TMEM182: variants seen among roughly 807,000 people sequenced by gnomAD.
The protein encoded by TMEM182 is transmembrane protein 182.
Under a neutral mutation model 26.8 loss-of-function variants are expected in TMEM182, and 20 were observed. That is an observed-to-expected ratio of 0.75 (90% confidence interval 0.53 to 1.09). TMEM182 has a LOEUF of 1.09. Among genes scored for constraint, TMEM182 ranks in the 50% least tolerant of loss-of-function variants. The pLI is 0.00. For synonymous variants in TMEM182, 109 were observed against 102.2 expected (o/e 1.07, Z -0.40); for missense variants, 277 against 275.5 (o/e 1.01, Z -0.04).
At chr2:102,746,809 G>A (rs1053710595) in intron 1 of TMEM182, among the ~76,000 whole-genome samples, 13 of 152,026 alleles carry the variant, frequency 8.6e-5, no homozygotes, top group South Asian at 2.1e-4. Flanking sequence ...GGCTGGTCTC[G>A]AACTCCTGAA....
upstream of TMEM182, among the ~76,000 whole-genome samples, chr2:102,760,085 A>G (rs1573498372): frequency 6.6e-6 from 1 of 150,802 alleles, no homozygotes; most frequent in Middle Eastern, 3.4e-3. Context: ...CGGCTAGAAT[A>G]TACCCAGAAT....
At chr2:102,786,102 T>A (rs192897028) in intron 3 of TMEM182, among the ~76,000 whole-genome samples, 1 of 152,004 alleles carries the variant, frequency 6.6e-6, no homozygotes, top group African/African-American at 2.4e-5. Flanking sequence ...TTCTGGCAGT[T>A]TTAGAATTGG....
At chr2:102,794,828 T>G (rs1681802745) in intron 3 of TMEM182, among the ~76,000 whole-genome samples, 3 of 152,202 alleles carry the variant, frequency 2.0e-5, no homozygotes. Flanking sequence ...TATCTGTAAA[T>G]TTGTGTTTCA....
chr2:102,829,642 A>G (rs1159688543), intron 3 of TMEM182, among the ~76,000 whole-genome samples: 1 of 152,200 alleles, frequency 6.6e-6, no homozygotes, highest in Non-Finnish European at 1.5e-5. Flanking sequence ...AGCTTTTGCC[A>G]GCAGGTCAGA....
At chr2:102,820,288 G>A (rs1191194549), downstream of TMEM182, among the ~76,000 whole-genome samples, 2 of 152,152 alleles carry the variant, frequency 1.3e-5, no homozygotes, top group Non-Finnish European at 2.9e-5. Flanking sequence ...CATCTGAGAC[G>A]TTCACTAGTT....
intron 1 of TMEM182, among the ~76,000 whole-genome samples, chr2:102,748,680 A>G (rs1329438703): frequency 6.6e-6 from 1 of 152,234 alleles, no homozygotes; most frequent in Non-Finnish European, 1.5e-5. Flanking sequence ...AAGCATTACA[A>G]GTGTTGTGAC....
rs140975459 is a variant in TMEM182, at chr2:102,746,834, G to A, written c.-83+9821G>A. On this transcript the variant is annotated intron_variant, in intron 1 of 5. Transcript: ENST00000409173. ...GAACTCCTGAACTTATGATTCGCCC[G>A]TCTCGGCCTCCCAAAGTGCTGAGAT... is the stretch of plus-strand genomic sequence containing the variant. 5.2e-3 allele frequency among the ~76,000 whole-genome samples: 791 copies of A among 152,250 alleles called. 2 individuals carry two copies. Among genetic ancestry groups the A allele is most frequent in the Admixed American group, 7.8e-3 (120 of 15,300 alleles).
intron 3 of TMEM182, among the ~76,000 whole-genome samples, chr2:102,765,291 A>T (rs2540292): frequency 2.0e-5 from 3 of 151,458 alleles, no homozygotes; most frequent in Admixed American, 6.6e-5. Context: ...TGATGTTGCA[A>T]TCTCCAGTCT....
intron 4 of TMEM182, among the ~76,000 whole-genome samples, chr2:102,804,327 A>G (rs922360377): frequency 3.3e-5 from 5 of 151,372 alleles, no homozygotes; most frequent in Admixed American, 3.3e-4. Context: ...CCTTCCCCCC[A>G]AGTCCCCAAA....
chr2:102,751,129 G>A (rs1468529296), intron 1 of TMEM182, among the ~76,000 whole-genome samples: 1 of 152,120 alleles, frequency 6.6e-6, no homozygotes. Context: ...AGTGAGTTTA[G>A]GAGCAGAGGT....
At chr2:102,786,490 G>C (rs1403032009) in intron 3 of TMEM182, among the ~76,000 whole-genome samples, 2 of 152,202 alleles carry the variant, frequency 1.3e-5, no homozygotes, top group Non-Finnish European at 2.9e-5. Context: ...TGGTATTACA[G>C]GTGTGAGCCA....
chr2:102,746,597 A>T (rs1412305852), intron 1 of TMEM182, among the ~76,000 whole-genome samples: 1 of 150,422 alleles, frequency 6.6e-6, no homozygotes, highest in Non-Finnish European at 1.5e-5. Context: ...TGAGTTACTT[A>T]TTTTTTTTTT....
Position 102,815,944 on chromosome 2 carries a change from C to A in TMEM182, c.*976C>A, listed in dbSNP as rs1433200455. ...AAGACCATAAAATATTAACTTTCCC[C>A]AAGATGTTATGGGTTCCAGTTCTTC... On this transcript the variant is annotated 3_prime_UTR_variant, in exon 5 of 5. Transcript: ENST00000412401. The A allele has an allele frequency of 2.0e-6, 2 of 982,964 alleles. No homozygotes were observed. Among genetic ancestry groups the A allele is most frequent in the Non-Finnish European group, 2.4e-6 (2 of 827,904 alleles). The allele number at this position is 982,964 out of a possible 1,614,324, so 60.9% of individuals were successfully genotyped here. A position where few individuals can be genotyped will look rare whatever the true frequency, so the allele number is the denominator to read the frequency against.
At chr2:102,742,441 G>C (rs1679570873) in intron 1 of TMEM182, among the ~76,000 whole-genome samples, 1 of 151,902 alleles carries the variant, frequency 6.6e-6, no homozygotes, top group Non-Finnish European at 1.5e-5. Context: ...TACCAAAAGG[G>C]AAAGGTGTAA....
intron 1 of TMEM182, among the ~76,000 whole-genome samples, chr2:102,739,134 G>T (rs1044257725): frequency 9.9e-5 from 15 of 152,156 alleles, no homozygotes; most frequent in African/African-American, 3.4e-4. Context: ...ATTATATGAG[G>T]AAAAGATTTC....
intron 3 of TMEM182, among the ~76,000 whole-genome samples, chr2:102,771,259 C>T (rs13387163): frequency 0.01 from 1,596 of 152,234 alleles, 34 homozygotes; most frequent in African/African-American, 0.037. Flanking sequence ...GGTATTCGTT[C>T]AGACATTTGG....
chr2:102,777,756 CT>C (rs1411016153), intron 3 of TMEM182, among the ~76,000 whole-genome samples: 156 of 144,490 alleles, frequency 1.1e-3, no homozygotes, highest in South Asian at 2.9e-3. Context: ...CTTTTATTTC[CT>C]TTTTTTTTTC....
chr2:102,833,872 C>T (rs547512309), intron 3 of TMEM182, among the ~76,000 whole-genome samples: 1 of 152,292 alleles, frequency 6.6e-6, no homozygotes, highest in South Asian at 2.1e-4. Flanking sequence ...GCCATGTGCC[C>T]TTCCCAACGC....
chr2:102,800,756 G>T (rs969102206), intron 4 of TMEM182, among the ~76,000 whole-genome samples: 1 of 150,078 alleles, frequency 6.7e-6, no homozygotes, highest in African/African-American at 2.5e-5. Context: ...TTTAAACTCA[G>T]AACTGCTTTG....
Sources: gnomAD v4.1 joint callset for allele counts (sites outside exome capture counted in the v4.1 genomes callset) on GRCh38, gnomAD v4.1.1 for gene constraint, MANE v1.5 for transcripts, NCBI Gene and HGNC (gene_info 2026-07-23, HGNC 2026-07-21) for gene names.